The following HECW1 variants were observed in gnomAD, a reference collection of about 807,000 sequenced individuals.
The protein encoded by HECW1 is HECT, C2 and WW domain containing E3 ubiquitin protein ligase 1.
In HECW1, 61 loss-of-function variants were observed where a neutral mutation model predicts 182.3. The ratio of observed to expected loss-of-function variants is 0.33; its 90% CI spans 0.27 to 0.41. HECW1 has a LOEUF of 0.41. Among genes scored for constraint, HECW1 ranks in the 10% least tolerant of loss-of-function variants. The probability of loss-of-function intolerance (pLI) is 1.00; values close to 1 mark genes in which losing one functional copy is unlikely to be tolerated. For synonymous variants in HECW1, 859 were observed against 832.6 expected (o/e 1.03, Z -0.55); for missense variants, 1,739 against 2,108.9 (o/e 0.82, Z 3.44).
At chr7:43,313,338 C>A (rs898491842) in intron 4 of HECW1, among the ~76,000 whole-genome samples, 2 of 112,658 alleles carry the variant, frequency 1.8e-5, no homozygotes, top group East Asian at 2.4e-4. Context: ...GCCTAAAGAG[C>A]ATTTTTTTTT....
chr7:43,258,880 G>A (rs550408913), intron 3 of HECW1: 9 of 152,248 alleles, frequency 5.9e-5, no homozygotes, highest in African/African-American at 2.2e-4. Context: ...GTGAAAGCTT[G>A]GATAGAAAAT....
chr7:43,189,469 C>T (rs547340907), intron 2 of HECW1, among the ~76,000 whole-genome samples: 2 of 152,196 alleles, frequency 1.3e-5, no homozygotes, highest in African/African-American at 4.8e-5. Context: ...AGATTGTGTG[C>T]AGGTCGCTTT....
chr7:43,371,976 C>G (rs147042264), intron 6 of HECW1, among the ~76,000 whole-genome samples: 3 of 152,126 alleles, frequency 2.0e-5, no homozygotes, highest in Non-Finnish European at 2.9e-5. Flanking sequence ...CCCACCACCA[C>G]GCCCCGCTAA....
chr7:43,414,681 G>A (rs1374404121), intron 8 of HECW1, among the ~76,000 whole-genome samples: 6 of 148,488 alleles, frequency 4.0e-5, no homozygotes, highest in South Asian at 2.2e-4. Context: ...GTTGAATTTT[G>A]TCAAAGGCTT....
chr7:43,387,845 A>G (rs1296626164), intron 6 of HECW1, among the ~76,000 whole-genome samples: 2 of 152,236 alleles, frequency 1.3e-5, no homozygotes, highest in Middle Eastern at 3.2e-3. Flanking sequence ...TTTCATCTAT[A>G]AAGTAAGGAA....
rs531019467 is a variant in HECW1 at position 43,563,730 on chromosome 7, G to A, written c.*1804G>A. On this transcript the variant is annotated 3_prime_UTR_variant, in exon 30 of 30. Coordinates refer to ENST00000395891, the MANE Select transcript of HECW1 (RefSeq NM_015052.5). Reference sequence around the variant, plus strand: ...CTAAAAATACAAAAATTAGCCGGGCGTGATGGCACATGCCGGTAGTCCCAG... The same window carrying A: ...CTAAAAATACAAAAATTAGCCGGGCATGATGGCACATGCCGGTAGTCCCAG... 18 of 175,562 alleles carry A rather than the reference G, an allele frequency of 1.0e-4. No individual in the cohort carries two copies. Among genetic ancestry groups the A allele is most frequent in the South Asian group, 4.0e-4 (2 of 5,028 alleles). 10.9% of individuals were successfully genotyped at this position (175,562 alleles called of 1,614,324 possible). A position where few individuals can be genotyped will look rare whatever the true frequency, so the allele number is the denominator to read the frequency against.
chr7:43,556,357 GA>G (rs1399302618), intron 29 of HECW1, among the ~76,000 whole-genome samples: 2 of 152,164 alleles, frequency 1.3e-5, no homozygotes, highest in African/African-American at 4.8e-5. Flanking sequence ...CATCACAGGG[GA>G]TGCAGTTGAG....
chr7:43,328,227 T>G, intron 5 of HECW1, among the ~76,000 whole-genome samples: 1 of 152,054 alleles, frequency 6.6e-6, no homozygotes, highest in Non-Finnish European at 1.5e-5. Context: ...CTTGGGAAGC[T>G]GAGATGGGAG....
At chr7:43,138,633 C>T (rs1461985656) in intron 2 of HECW1, among the ~76,000 whole-genome samples, 1 of 152,318 alleles carries the variant, frequency 6.6e-6, no homozygotes, top group South Asian at 2.1e-4. Flanking sequence ...ACAACGTTTG[C>T]TTTTACATAA....
intron 2 of HECW1, among the ~76,000 whole-genome samples, chr7:43,158,901 A>G (rs73314706): frequency 0.055 from 8,365 of 152,250 alleles, 758 homozygotes; most frequent in African/African-American, 0.19. Flanking sequence ...CTCAAACTAT[A>G]CTGTGCATCA....
intron 2 of HECW1, among the ~76,000 whole-genome samples, chr7:43,157,670 C>G (rs1197023433): frequency 6.6e-6 from 1 of 152,192 alleles, no homozygotes; most frequent in African/African-American, 2.4e-5. Context: ...AAGAGATCTT[C>G]CCACCTTAGC....
rs2078352433 is a variant in HECW1 at position 43,479,739 on chromosome 7, G to A, written c.3229G>A (p.Gly1077Arg). The A allele has an allele frequency of 6.2e-7, 1 of 1,613,852 alleles. No individual in the cohort carries two copies. Among genetic ancestry groups the A allele is most frequent in the Non-Finnish European group, 8.5e-7 (1 of 1,179,872 alleles). Reference protein sequence around the residue: ...HLQRLRSYSAGEASEVSRNRG... With the variant: ...HLQRLRSYSAREASEVSRNRG... ...CCAGAGGCTCCGAAGTTACAGCGCTGGAGAGGTAACCCTCCCTACACCCCG... is the reference window on the plus strand; with the variant it reads ...CCAGAGGCTCCGAAGTTACAGCGCTAGAGAGGTAACCCTCCCTACACCCCG... The change falls in exon 17 of 30, where the codon GGA (glycine) becomes AGA (arginine). Residue 1077 changes from glycine to arginine, a missense_variant. Gly to Arg is a moderately radical substitution (Grantham distance 125). This residue lies in a region of HECW1 where 971 missense variants were observed against 1,029.1 expected (regional missense o/e 0.94). Coordinates refer to ENST00000395891, the MANE Select transcript of HECW1 (RefSeq NM_015052.5).
chr7:43,319,210 A>G (rs1584463826), intron 4 of HECW1, among the ~76,000 whole-genome samples: 2 of 149,450 alleles, frequency 1.3e-5, no homozygotes, highest in South Asian at 4.3e-4. Context: ...ACACGGTGAA[A>G]CCCCGTCTCT....
At chr7:43,374,971 C>A (rs985852412) in intron 6 of HECW1, among the ~76,000 whole-genome samples, 4 of 151,914 alleles carry the variant, frequency 2.6e-5, no homozygotes, top group African/African-American at 7.2e-5. Flanking sequence ...TAAGAAAAAA[C>A]AATAATAATC....
chr7:43,267,873 A>G (rs1475781268), intron 3 of HECW1, among the ~76,000 whole-genome samples: 1 of 152,218 alleles, frequency 6.6e-6, no homozygotes, highest in African/African-American at 2.4e-5. Flanking sequence ...AGAAAATTTC[A>G]AAACACTGAA....
chr7:43,414,292 TG>T (rs1287889321), intron 8 of HECW1, among the ~76,000 whole-genome samples: 61 of 145,290 alleles, frequency 4.2e-4, no homozygotes, highest in African/African-American at 1.5e-3. Context: ...TTGTGATTTT[TG>T]TACATTGATT....
intron 3 of HECW1, among the ~76,000 whole-genome samples, chr7:43,280,994 TC>T (rs202105450): frequency 0.059 from 8,956 of 152,120 alleles, 365 homozygotes; most frequent in African/African-American, 0.12. Context: ...TGGGGCTGTT[TC>T]TCCCCCCATG....
At chr7:43,360,112 A>G (rs1815678637) in intron 5 of HECW1, among the ~76,000 whole-genome samples, 1 of 152,166 alleles carries the variant, frequency 6.6e-6, no homozygotes, top group Admixed American at 6.5e-5. Flanking sequence ...GGGTACAGGG[A>G]CTTATTCATT....
intron 8 of HECW1, among the ~76,000 whole-genome samples, chr7:43,424,006 A>G (rs1449998913): frequency 1.3e-5 from 2 of 152,204 alleles, no homozygotes; most frequent in Non-Finnish European, 2.9e-5. Context: ...GAGGAAATAC[A>G]AGAATCAGGA....
Sources: allele counts gnomAD v4.1 joint callset (sites outside exome capture counted in the v4.1 genomes callset), GRCh38; gene constraint gnomAD v4.1.1; regional missense constraint gnomAD v4.1.1; transcripts MANE v1.5; gene names NCBI Gene and HGNC (gene_info 2026-07-23, HGNC 2026-07-21).